LYST: variants seen among roughly 807,000 people sequenced by gnomAD.
The protein encoded by LYST is lysosomal trafficking regulator, also known as lysosomal-trafficking regulator.
LYST carries 192 observed loss-of-function variants against 413.6 expected under a neutral mutation model. The observed-to-expected ratio is 0.46, with a 90% confidence interval of 0.41 to 0.52. LYST has a LOEUF of 0.52. Ranked by LOEUF, LYST falls within the 20% of genes least tolerant of loss-of-function variation. LYST has a pLI of 0.00. For missense variants in LYST, 3,815 were observed against 4,499.9 expected (o/e 0.85, Z 4.35); for synonymous variants, 1,525 against 1,567.3 (o/e 0.97, Z 0.64).
intron 1 of LYST, among the ~76,000 whole-genome samples, chr1:235,859,793 G>C (rs2103153407): frequency 6.6e-6 from 1 of 152,238 alleles, no homozygotes; most frequent in African/African-American, 2.4e-5. Flanking sequence ...TATTACTGTT[G>C]AGGTCTTTCT....
In LYST at chr1:235,746,356, A is replaced by C; in HGVS notation, c.7952T>G (p.Val2651Gly). The C allele has an allele frequency of 6.2e-7, 1 of 1,613,770 alleles. No homozygotes were observed. Residue 2651 changes from valine to glycine, a missense_variant, in exon 29 of 53, where the codon GTC becomes GGC. By Grantham distance (109) the Val-to-Gly change is moderately radical. Coordinates refer to ENST00000389793, the MANE Select transcript of LYST (RefSeq NM_000081.4). ...QRLQRLTVLA[V>G]NRIIYQEFNS... ...CTTACCTTGATAAATAATCCTGTTG[A>C]CTGCTAAAACAGTGAGCCTCTGTAG...
upstream of LYST, among the ~76,000 whole-genome samples, chr1:235,870,902 A>G (rs776121769): frequency 4.6e-5 from 7 of 152,242 alleles, no homozygotes; most frequent in South Asian, 2.1e-4. Flanking sequence ...CTTAATGCCT[A>G]CTGCAATGCA....
chr1:235,685,943 T>A (rs1234698101), intron 48 of LYST, among the ~76,000 whole-genome samples: 1 of 151,814 alleles, frequency 6.6e-6, no homozygotes, highest in Non-Finnish European at 1.5e-5. Flanking sequence ...GTAAAACAGA[T>A]TTAATACTAT....
At position 235,791,796 on chromosome 1, in the gene LYST, C is replaced by T. The variant is rs376753657; in HGVS notation, c.4446G>A (p.Glu1482=). Residue 1482 remains glutamate, a synonymous_variant, in exon 12 of 53, where the codon GAG becomes GAA. Transcript: ENST00000389793. ...GFSVSLWFNV[E]CIHEAESTTE... ...TAGTACTCTCAGCTTCATGGATACA[C>T]TCCACATTAAACCACAGGGAAACAC... is the stretch of plus-strand genomic sequence containing the variant. 7 of 1,613,856 alleles carry T rather than the reference C, an allele frequency of 4.3e-6. No individual in the cohort carries two copies. The African/African-American group carries it at 8.0e-5, about 18-fold the overall frequency.
At position 235,802,969 on chromosome 1, in the gene LYST, T is replaced by C. The variant is rs368254676; in HGVS notation, c.3651A>G (p.Glu1217=). 8 of 1,613,474 alleles carry C rather than the reference T, an allele frequency of 5.0e-6. No homozygotes were observed. Among genetic ancestry groups the C allele is most frequent in the African/African-American group, 1.3e-5 (1 of 74,918 alleles). ...CACTATCTGCTTCGTAACCTTCTTC[T>C]TCAACTAAAAGTTTAAAACTACAAC... ...SQCCSFKLLV[E]EEGYEADSES... is the part of the protein sequence containing the mutation. The change falls in exon 8 of 53, where the codon GAA becomes GAG. Residue 1217 remains glutamate (E), a synonymous_variant. Coordinates refer to ENST00000389793, the MANE Select transcript of LYST (RefSeq NM_000081.4).
chr1:235,762,766 T>C lies in LYST; in HGVS notation c.6207A>G (p.Gly2069=). Residue 2069 remains glycine, a synonymous_variant, in exon 22 of 53, where the codon GGA becomes GGG. Transcript: ENST00000389793. ...AACCAGATGGGCTTATTACCATAAATCCAGGGCTCATAAGGGACCTTCCTC... is the reference window on the plus strand; with the variant it reads ...AACCAGATGGGCTTATTACCATAAACCCAGGGCTCATAAGGGACCTTCCTC... The part of the protein sequence containing the change: ...SSGGRSLMSP[G]FMVISPSGFT... The C allele has an allele frequency of 6.2e-7, 1 of 1,613,308 alleles. No homozygotes were observed. Among genetic ancestry groups the C allele is most frequent in the South Asian group, 1.1e-5 (1 of 91,072 alleles).
chr1:235,809,433 G>A lies in LYST; in HGVS notation c.1385C>T (p.Pro462Leu). 6.2e-7 allele frequency: 1 copy of A among 1,613,896 alleles called. No homozygotes were observed. The highest frequency in any genetic ancestry group is 8.5e-7 in the Non-Finnish European group (1 of 1,179,968). ...MEWLVLRDGV[P>L]PEASEHLKAL... Reference sequence around the variant, plus strand: ...TTTCAAATGCTCTGAGGCCTCGGGAGGAACTCCATCTCTTAAAACCAGCCA... The same window carrying A: ...TTTCAAATGCTCTGAGGCCTCGGGAAGAACTCCATCTCTTAAAACCAGCCA... The change falls in exon 5 of 53, where the codon CCT (proline) becomes CTT (leucine). Residue 462 changes from proline (P) to leucine (L), a missense_variant. Physicochemically the swap from Pro to Leu is moderately conservative, Grantham distance 98. This residue lies in a region of LYST where 1,648 missense variants were observed against 1,810.3 expected (regional missense o/e 0.91). Coordinates refer to ENST00000389793, the MANE Select transcript of LYST (RefSeq NM_000081.4). This position sits in a 1 kb window ranked among gnomAD's most constrained non-coding sequence, Gnocchi z 4.0.
At position 235,854,782 on chromosome 1, in the gene LYST, G is replaced by C. The variant is rs1040627430; in HGVS notation, c.-98+12061C>G. ...TCCTTCCCCCTAATCTTACACCTAA[G>C]CATCCTTAGACCTTCAACTCCTCTC... On this transcript the variant is annotated intron_variant, in intron 1 of 52. Transcript: ENST00000389793. This position sits in a 1 kb window ranked among gnomAD's most constrained non-coding sequence, Gnocchi z 4.1. Among the ~76,000 whole-genome samples, 1 of 151,980 alleles carries C rather than the reference G, an allele frequency of 6.6e-6. No homozygotes were observed. The highest frequency in any genetic ancestry group is 2.4e-5 in the African/African-American group (1 of 41,348).
At chr1:235,715,457 T>G (rs192017654) in intron 41 of LYST, 100 bp from the exon 42 acceptor site, 2 of 1,100,528 alleles carry the variant, frequency 1.8e-6, no homozygotes, top group African/African-American at 3.1e-5. Context: ...CTACTACCCC[T>G]TTGAGGCCAT....
At chr1:235,693,797 T>C (rs1340091506) in intron 46 of LYST, among the ~76,000 whole-genome samples, 1 of 152,194 alleles carries the variant, frequency 6.6e-6, no homozygotes, top group African/African-American at 2.4e-5. Context: ...ATTCATGTTC[T>C]GAGACACCTT....
intron 14 of LYST, 115 bp from the exon 15 acceptor site, chr1:235,782,202 A>C: frequency 1.1e-6 from 1 of 901,658 alleles, no homozygotes; most frequent in Non-Finnish European, 1.7e-6. Flanking sequence ...TTTTGGAGAC[A>C]GAGTCTCGCT....
chr1:235,750,372 T>A (rs1027607906), intron 28 of LYST, among the ~76,000 whole-genome samples: 1 of 152,216 alleles, frequency 6.6e-6, no homozygotes, highest in Non-Finnish European at 1.5e-5. Flanking sequence ...ACTTGGTAGC[T>A]TTTCTTTACA....
chr1:235,741,301 G>T, intron 31 of LYST, 121 bp downstream of exon 31: 2 of 902,508 alleles, frequency 2.2e-6, no homozygotes, highest in Non-Finnish European at 1.8e-6. Flanking sequence ...AAATTTGCTT[G>T]GTAAGAAAAT....
intron 10 of LYST, among the ~76,000 whole-genome samples, chr1:235,797,042 G>C (rs772605517): frequency 5.1e-4 from 78 of 152,092 alleles, no homozygotes; most frequent in Non-Finnish European, 7.8e-4. Context: ...ATATAAAATG[G>C]TATAGCCATT....
chr1:235,808,374 C>T, intron 5 of LYST, 81 bp downstream of exon 5: 1 of 1,312,410 alleles, frequency 7.6e-7, no homozygotes, highest in South Asian at 1.3e-5. Flanking sequence ...CAATTTATCA[C>T]TCACTTGAAA....
At chr1:235,876,811 C>T (rs1480968357) in intron 1 of LYST, among the ~76,000 whole-genome samples, 1 of 152,192 alleles carries the variant, frequency 6.6e-6, no homozygotes, top group African/African-American at 2.4e-5. Flanking sequence ...ATTAGTGTAG[C>T]ATGGTCCACT....
At chr1:235,808,283 C>A (rs911248359) in intron 5 of LYST, among the ~76,000 whole-genome samples, 172 bp downstream of exon 5, 1 of 152,046 alleles carries the variant, frequency 6.6e-6, no homozygotes, top group Non-Finnish European at 1.5e-5. Context: ...GAAATTAAAT[C>A]CTAGGAAAGA....
At chr1:235,817,796 A>G (rs1674329258) in intron 3 of LYST, among the ~76,000 whole-genome samples, 1 of 152,116 alleles carries the variant, frequency 6.6e-6, no homozygotes, top group Admixed American at 6.5e-5. Context: ...AATAGTCTGT[A>G]CACCAAACCC....
At chr1:235,836,944 C>A (rs1467651759) in intron 1 of LYST, among the ~76,000 whole-genome samples, 1 of 152,172 alleles carries the variant, frequency 6.6e-6, no homozygotes, top group African/African-American at 2.4e-5. Flanking sequence ...ATTTGGGAAT[C>A]ATCAGGATAT....
Sources: gnomAD v4.1 joint callset for allele counts (sites outside exome capture counted in the v4.1 genomes callset) on GRCh38, gnomAD v4.1.1 for gene constraint, gnomAD v4.1.1 regional missense constraint, Gnocchi (gnomAD v3.1) non-coding constraint, MANE v1.5 for transcripts, NCBI Gene and HGNC (gene_info 2026-07-23, HGNC 2026-07-21) for gene names.